Variants in DBNDD2 observed in about 807,000 individuals in gnomAD.
DBNDD2 encodes the protein dysbindin domain containing 2.
DBNDD2 carries 8 observed loss-of-function variants against 14.0 expected under a neutral mutation model. The ratio of observed to expected loss-of-function variants is 0.57; its 90% confidence interval spans 0.33 to 1.03. DBNDD2 has a LOEUF of 1.03. DBNDD2 is among the 50% of genes least tolerant of loss of function. DBNDD2 has a pLI of 0.03. For synonymous variants in DBNDD2, 94 were observed against 85.3 expected (o/e 1.10, Z -0.56); for missense variants, 194 against 206.0 (o/e 0.94, Z 0.36).
Position 45,408,471 on chromosome 20 carries a change from G to T in DBNDD2, c.4G>T (p.Asp2Tyr). 6.2e-7 allele frequency: 1 copy of T among 1,614,254 alleles called. No individual in the cohort carries two copies. The highest frequency in any genetic ancestry group is 1.1e-5 in the South Asian group (1 of 91,086). Residue 2 changes from aspartate to tyrosine, a missense_variant, in exon 1 of 3, where the codon GAC becomes TAC. Asp to Tyr is a radical substitution (Grantham distance 160, BLOSUM62 -3). Transcript: ENST00000372710. MDPNPRAALERQ... is the reference protein window; with the variant it reads MYPNPRAALERQ... ...TCCTCTACCCGCAGGAGCTGACATG[G>T]ACCCAAATCCTCGGGCCGCCCTGGA...
upstream of DBNDD2, chr20:45,406,788 G>C: frequency 8.0e-7 from 1 of 1,250,330 alleles, no homozygotes; most frequent in Non-Finnish European, 1.0e-6. Flanking sequence ...GGAGGGGACC[G>C]GAGCACGAGG....
rs772152747 is a variant in DBNDD2 at position 45,408,463 on chromosome 20, C to T, written c.-5C>T. On this transcript the variant is annotated 5_prime_UTR_variant, in exon 1 of 3. Coordinates refer to ENST00000372710, the MANE Select transcript of DBNDD2 (RefSeq NM_001048225.4). ...TGTTTTGCTCCTCTACCCGCAGGAG[C>T]TGACATGGACCCAAATCCTCGGGCC... is the stretch of plus-strand genomic sequence containing the variant. The T allele has an allele frequency of 4.3e-6, 7 of 1,614,278 alleles. No individual in the cohort carries two copies. The highest frequency in any genetic ancestry group is 5.9e-6 in the Non-Finnish European group (7 of 1,180,054).
At chr20:45,406,536 G>A (rs1168493613), upstream of DBNDD2, 18 of 1,518,398 alleles carry the variant, frequency 1.2e-5, no homozygotes, top group Admixed American at 2.1e-5. Context: ...GGCGAGCTGC[G>A]AGCGAGTGAG....
At chr20:45,409,797 C>G in intron 2 of DBNDD2, 135 bp from the exon 3 acceptor site, 1 of 838,914 alleles carries the variant, frequency 1.2e-6, no homozygotes, top group South Asian at 1.7e-5. Context: ...TTAATCCTGG[C>G]TCTTTGCTGG....
At chr20:45,406,452 A>T, upstream of DBNDD2, 1 of 1,524,536 alleles carries the variant, frequency 6.6e-7, no homozygotes, top group Non-Finnish European at 8.8e-7. Flanking sequence ...GGGAGGAAGG[A>T]TGGGTGCGGG....
intron 2 of DBNDD2, 100 bp downstream of exon 2, chr20:45,409,038 T>G: frequency 6.2e-7 from 1 of 1,611,930 alleles, no homozygotes. Flanking sequence ...AGTACACAAG[T>G]AAGGGCTGGA....
chr20:45,408,826 G>T lies in DBNDD2; in HGVS notation c.165G>T (p.Met55Ile). The T allele has an allele frequency of 2.5e-6, 4 of 1,614,196 alleles. No homozygotes were observed. Among genetic ancestry groups the T allele is most frequent in the Non-Finnish European group, 3.4e-6 (4 of 1,180,040 alleles). Residue 55 changes from methionine to isoleucine, a missense_variant, in exon 2 of 3, where the codon ATG becomes ATT. Transcript: ENST00000372710. Reference sequence around the variant, plus strand: ...CCCCCATAGGTAGTATCTCATCCATGGAAGTGAATGTGGACACACTGGAGC... The same window carrying T: ...CCCCCATAGGTAGTATCTCATCCATTGAAGTGAATGTGGACACACTGGAGC... ...QRPPIGSISSMEVNVDTLEQV... is the reference protein window; with the variant it reads ...QRPPIGSISSIEVNVDTLEQV...
chr20:45,407,262 C>T (rs1246364260), upstream of DBNDD2: 7 of 957,054 alleles, frequency 7.3e-6, no homozygotes, highest in East Asian at 8.1e-4. Context: ...TCGGCGTCAG[C>T]GCCTCGCTCC....
At chr20:45,406,213 A>C (rs1989355973), upstream of DBNDD2, 1 of 488,318 alleles carries the variant, frequency 2.0e-6, no homozygotes, top group Non-Finnish European at 3.6e-6. Context: ...GCGCGCGTGT[A>C]AGTGTGGCGA....
At chr20:45,406,842 GCCT>G (rs1373788759), upstream of DBNDD2, 2 of 1,203,316 alleles carry the variant, frequency 1.7e-6, no homozygotes, top group Non-Finnish European at 2.1e-6. Flanking sequence ...CTCCGCCGAC[GCCT>G]CGTGTCCCTT....
At chr20:45,409,056 G>A (rs1230133745) in intron 2 of DBNDD2, 118 bp downstream of exon 2, 4 of 1,599,226 alleles carry the variant, frequency 2.5e-6, no homozygotes, top group Non-Finnish European at 3.4e-6. Flanking sequence ...GGAAGTGGGT[G>A]TTTCTACCAA....
Position 45,408,907 on chromosome 20 carries a change from C to G in DBNDD2, c.246C>G (p.Cys82Trp), listed in dbSNP as rs746172981. Residue 82 changes from cysteine (C) to tryptophan (W), a missense_variant, in exon 2 of 3, where the codon TGC (cysteine) becomes TGG (tryptophan). Transcript: ENST00000372710. Reference protein sequence around the residue: ...DPDAADVFLPCEDPPPTPQSS... With the variant: ...DPDAADVFLPWEDPPPTPQSS... ...ATGCAGCAGATGTGTTCTTGCCTTG[C>G]GAAGATCCTCCACCAACCCCCCAGT... The G allele has an allele frequency of 1.2e-6, 2 of 1,614,156 alleles. No individual in the cohort carries two copies. The highest frequency in any genetic ancestry group is 1.1e-5 in the South Asian group (1 of 91,084).
upstream of DBNDD2, chr20:45,406,611 G>GTC: frequency 7.0e-7 from 1 of 1,428,706 alleles, no homozygotes; most frequent in South Asian, 1.5e-5. Flanking sequence ...CCCAGGGCCC[G>GTC]TCGGTCCCCC....
intron 2 of DBNDD2, 63 bp from the exon 3 acceptor site, chr20:45,409,869 G>C: frequency 6.6e-7 from 1 of 1,523,042 alleles, no homozygotes; most frequent in Non-Finnish European, 8.9e-7. Context: ...CTCCTGGCCA[G>C]ATAATCTTTA....
intron 2 of DBNDD2, among the ~76,000 whole-genome samples, chr20:45,409,440 G>C (rs752404226): frequency 3.3e-5 from 5 of 152,138 alleles, no homozygotes; most frequent in Admixed American, 6.5e-5. Flanking sequence ...CCAGAAGGTA[G>C]ATAAACTGGA....
upstream of DBNDD2, chr20:45,406,624 G>A (rs1989412234): frequency 1.4e-6 from 2 of 1,402,904 alleles, no homozygotes; most frequent in Non-Finnish European, 1.9e-6. Context: ...GGTCCCCCGG[G>A]AGCCCTGGAG....
upstream of DBNDD2, chr20:45,408,190 C>G (rs1236358017): frequency 1.9e-6 from 3 of 1,550,754 alleles, no homozygotes; most frequent in Non-Finnish European, 2.6e-6. Context: ...GCTGTGTTCC[C>G]TGAATACAGA....
At chr20:45,406,818 G>GCC (rs2145408431), upstream of DBNDD2, 1 of 1,219,466 alleles carries the variant, frequency 8.2e-7, no homozygotes, top group African/African-American at 1.6e-5. Context: ...TTGGGGGAGC[G>GCC]CCCTCCCCCC....
upstream of DBNDD2, chr20:45,406,487 AC>A: frequency 6.5e-7 from 1 of 1,526,854 alleles, no homozygotes; most frequent in Admixed American, 2.0e-5. Context: ...CCTTGGAAGT[AC>A]CAGTAGCCGC....
Sources: gnomAD v4.1 joint callset for allele counts (sites outside exome capture counted in the v4.1 genomes callset) on GRCh38, gnomAD v4.1.1 for gene constraint, MANE v1.5 for transcripts, NCBI Gene and HGNC (gene_info 2026-07-23, HGNC 2026-07-21) for gene names.